The following ARHGEF10 variants were observed in gnomAD, a reference collection of about 807,000 sequenced individuals.
ARHGEF10 encodes Rho guanine nucleotide exchange factor 10.
In ARHGEF10, 140 loss-of-function variants were observed where a neutral mutation model predicts 147.4. That is an observed-to-expected ratio of 0.95 (90% CI 0.83 to 1.09). The LOEUF is 1.09. Among genes scored for constraint, ARHGEF10 ranks in the 50% least tolerant of loss-of-function variants. ARHGEF10 has a pLI of 0.00. For synonymous variants in ARHGEF10, 902 were observed against 695.8 expected, an observed-to-expected ratio of 1.30 and a Z score of -4.67; for missense variants, 2,222 against 1,752.7, an observed-to-expected ratio of 1.27 and a Z score of -4.78.
chr8:1,935,119 A>G (rs1813470188), intron 26 of ARHGEF10, among the ~76,000 whole-genome samples: 1 of 152,212 alleles, frequency 6.6e-6, no homozygotes, highest in Non-Finnish European at 1.5e-5. Context: ...TGTTTTATTA[A>G]TAAACTTTAT....
intron 4 of ARHGEF10, 52 bp downstream of exon 4, chr8:1,860,236 C>G: frequency 1.9e-6 from 3 of 1,596,678 alleles, no homozygotes; most frequent in South Asian, 2.2e-5. Context: ...GTTCCCTCCT[C>G]TCCACGCCCC....
intron 4 of ARHGEF10, 106 bp downstream of exon 4, chr8:1,860,290 C>T: frequency 4.7e-6 from 7 of 1,495,870 alleles, no homozygotes; most frequent in Non-Finnish European, 6.4e-6. Context: ...CCGGATGTGG[C>T]CTGTGGTTCC....
intron 1 of ARHGEF10, among the ~76,000 whole-genome samples, chr8:1,837,065 C>T (rs1402879218): frequency 6.6e-6 from 1 of 152,254 alleles, no homozygotes; most frequent in Non-Finnish European, 1.5e-5. Context: ...TGGACTGATA[C>T]AGCCTCATAG....
Position 1,937,293 on chromosome 8 carries a change from G to A in ARHGEF10, c.3222+3351G>A, listed in dbSNP as rs1258430743. 6.6e-6 allele frequency among the ~76,000 whole-genome samples: 1 copy of A among 152,098 alleles called. No individual in the cohort carries two copies. Among genetic ancestry groups the A allele is most frequent in the Non-Finnish European group, 1.5e-5 (1 of 68,034 alleles). Reference sequence around the variant, plus strand: ...CCATGCAGGGTAGCCCCGTGGATGCGGTCACAGCTTCTTGAGTTTTTCACA... The same window carrying A: ...CCATGCAGGGTAGCCCCGTGGATGCAGTCACAGCTTCTTGAGTTTTTCACA... On this transcript the variant is annotated intron_variant, in intron 26 of 28. Coordinates refer to ENST00000349830, the MANE Select transcript of ARHGEF10 (RefSeq NM_014629.4). The surrounding 1 kb of genome is among the most constrained non-coding windows in gnomAD (Gnocchi z 4.9).
At chr8:1,909,948 T>C (rs1241671644) in intron 18 of ARHGEF10, among the ~76,000 whole-genome samples, 1 of 152,206 alleles carries the variant, frequency 6.6e-6, no homozygotes, top group East Asian at 1.9e-4. Flanking sequence ...TGCTTGTCCA[T>C]GAACTTCCCA....
chr8:1,860,262 T>C, intron 4 of ARHGEF10, 78 bp downstream of exon 4: 4 of 1,474,604 alleles, frequency 2.7e-6, no homozygotes, highest in East Asian at 2.4e-5. Context: ...TGGCCTGTGG[T>C]TCCCTCCTCT....
chr8:1,864,984 G>A (rs887567773), intron 5 of ARHGEF10, among the ~76,000 whole-genome samples: 5 of 152,336 alleles, frequency 3.3e-5, no homozygotes, highest in Admixed American at 1.3e-4. Flanking sequence ...ATTGAAAATA[G>A]GAATTATTTT....
At chr8:1,888,239 T>G (rs113170128) in intron 11 of ARHGEF10, among the ~76,000 whole-genome samples, 3,369 of 25,896 alleles carry the variant, frequency 0.13, 685 homozygotes, top group African/African-American at 0.33. Context: ...ACAGTGAGTG[T>G]GGTGAGGGTT....
intron 26 of ARHGEF10, among the ~76,000 whole-genome samples, chr8:1,934,874 C>T (rs987585377): frequency 2.0e-5 from 3 of 151,992 alleles, no homozygotes; most frequent in African/African-American, 7.3e-5. Context: ...ATATGTGTAT[C>T]AAATATTTAT....
intron 2 of ARHGEF10, among the ~76,000 whole-genome samples, chr8:1,854,820 A>G (rs530656164): frequency 6.6e-6 from 1 of 152,340 alleles, no homozygotes; most frequent in African/African-American, 2.4e-5. Context: ...ATTGCCGCCA[A>G]CCAGGTTTCC....
At chr8:1,955,509 G>A (rs1478943725) in intron 28 of ARHGEF10, among the ~76,000 whole-genome samples, 1 of 149,088 alleles carries the variant, frequency 6.7e-6, no homozygotes, top group African/African-American at 2.5e-5. Flanking sequence ...CTGTTTCTCT[G>A]GATGGGTAGC....
At chr8:1,949,737 A>G (rs1224852496) in intron 27 of ARHGEF10, among the ~76,000 whole-genome samples, 1 of 152,100 alleles carries the variant, frequency 6.6e-6, no homozygotes, top group Non-Finnish European at 1.5e-5. Context: ...AATTCAGTAA[A>G]TGAAACCGGA....
Position 1,844,890 on chromosome 8 carries a change from G to C in ARHGEF10, c.37+1454G>C, listed in dbSNP as rs562116834. 2.0e-5 allele frequency among the ~76,000 whole-genome samples: 3 copies of C among 152,234 alleles called. No homozygotes were observed. In the South Asian group the frequency reaches 6.2e-4, roughly 32 times the overall value. On this transcript the variant is annotated intron_variant, in intron 2 of 28. Transcript: ENST00000349830. Reference sequence around the variant, plus strand: ...GAGACCAGCCTGGGCAACGTAGTGAGACCCCATATCTGCAAAAAGAATAAT... The same window carrying C: ...GAGACCAGCCTGGGCAACGTAGTGACACCCCATATCTGCAAAAAGAATAAT...
At chr8:1,845,224 C>G (rs1019293807) in intron 2 of ARHGEF10, among the ~76,000 whole-genome samples, 1 of 152,244 alleles carries the variant, frequency 6.6e-6, no homozygotes, top group Admixed American at 6.5e-5. Context: ...CCCAGCAGAG[C>G]AGGGCAGTGG....
intron 26 of ARHGEF10, among the ~76,000 whole-genome samples, chr8:1,944,075 C>T (rs188951473): frequency 8.1e-5 from 12 of 148,926 alleles, no homozygotes; most frequent in South Asian, 2.1e-4. Context: ...CCTCCCGCAC[C>T]GTGTCACCTC....
chr8:1,917,778 TC>T (rs1392405346), intron 18 of ARHGEF10, among the ~76,000 whole-genome samples: 1 of 152,044 alleles, frequency 6.6e-6, no homozygotes, highest in Admixed American at 6.5e-5. Flanking sequence ...TCTTTTCTTT[TC>T]TTTTCTTTTT....
chr8:1,845,995 C>T (rs1563167773), intron 2 of ARHGEF10, among the ~76,000 whole-genome samples: 1 of 152,240 alleles, frequency 6.6e-6, no homozygotes, highest in South Asian at 2.1e-4. Flanking sequence ...CCTCTGGGTG[C>T]AGCTGGACTG....
At chr8:1,882,498 A>G in intron 9 of ARHGEF10, 137 bp from the exon 10 acceptor site, 1 of 786,754 alleles carries the variant, frequency 1.3e-6, no homozygotes, top group Non-Finnish European at 2.2e-6. Flanking sequence ...CCAAAACAAA[A>G]CCTAGCCCAG....
chr8:1,882,268 C>T (rs1808266241), intron 9 of ARHGEF10, among the ~76,000 whole-genome samples: 1 of 152,230 alleles, frequency 6.6e-6, no homozygotes, highest in South Asian at 2.1e-4. Context: ...AAAGGCTGAA[C>T]TGGAGCTGTG....
Sources: allele counts gnomAD v4.1 joint callset (sites outside exome capture counted in the v4.1 genomes callset), GRCh38; gene constraint gnomAD v4.1.1; non-coding constraint Gnocchi (gnomAD v3.1); transcripts MANE v1.5; gene names NCBI Gene and HGNC (gene_info 2026-07-23, HGNC 2026-07-21).